The following HMGA2 variants were observed in gnomAD, a reference collection of about 807,000 sequenced individuals.
The protein encoded by HMGA2 is high mobility group protein HMGI-C.
HMGA2 carries 8 observed loss-of-function variants against 19.1 expected under a neutral mutation model. The ratio of observed to expected loss-of-function variants is 0.42; its 90% confidence interval spans 0.25 to 0.76. The LOEUF (loss-of-function observed/expected upper bound fraction) is 0.76. HMGA2 is among the 30% of genes least tolerant of loss of function. HMGA2 has a pLI of 0.28. For missense variants in HMGA2, 109 were observed against 136.3 expected (o/e 0.80, Z 1.00); for synonymous variants, 60 against 48.8 (o/e 1.23, Z -0.96).
intron 2 of HMGA2, among the ~76,000 whole-genome samples, chr12:65,830,058 A>G (rs1031774572): frequency 6.6e-6 from 1 of 151,982 alleles, no homozygotes; most frequent in African/African-American, 2.4e-5. Flanking sequence ...TTCAGACACA[A>G]TTATTTCCTA....
chr12:65,888,781 T>C (rs1289843065), intron 3 of HMGA2, among the ~76,000 whole-genome samples: 1 of 151,052 alleles, frequency 6.6e-6, no homozygotes, highest in African/African-American at 2.4e-5. Flanking sequence ...GCCAGGATGG[T>C]CTCGACCTCC....
chr12:65,909,686 T>G (rs1874758803), intron 3 of HMGA2, among the ~76,000 whole-genome samples: 1 of 152,206 alleles, frequency 6.6e-6, no homozygotes, highest in South Asian at 2.1e-4. Context: ...AAACCTGATG[T>G]CTTTGCCTCT....
intron 3 of HMGA2, among the ~76,000 whole-genome samples, chr12:65,874,988 G>C (rs1262935603): frequency 6.6e-6 from 1 of 152,028 alleles, no homozygotes; most frequent in Non-Finnish European, 1.5e-5. Flanking sequence ...AACCAGAAAG[G>C]TTCCCCGCCC....
At chr12:65,950,616 T>G (rs1354059768) in intron 3 of HMGA2, among the ~76,000 whole-genome samples, 1 of 152,208 alleles carries the variant, frequency 6.6e-6, no homozygotes, top group African/African-American at 2.4e-5. Flanking sequence ...TTAGAGGAGA[T>G]GAAAGTGTTC....
At chr12:65,829,983 C>G (rs1202497366) in intron 2 of HMGA2, among the ~76,000 whole-genome samples, 1 of 151,942 alleles carries the variant, frequency 6.6e-6, no homozygotes, top group Non-Finnish European at 1.5e-5. Flanking sequence ...TACATTATTC[C>G]AATTTCCAAA....
chr12:65,922,311 G>T (rs144758886), intron 3 of HMGA2, among the ~76,000 whole-genome samples: 2 of 152,296 alleles, frequency 1.3e-5, no homozygotes, highest in South Asian at 4.1e-4. Context: ...CCACAGGGGC[G>T]GAGCTGCCTA....
chr12:65,963,535 C>T lies in HMGA2; in HGVS notation c.*243C>T. 1 of 556,008 alleles carries T rather than the reference C, an allele frequency of 1.8e-6. No homozygotes were observed. Among genetic ancestry groups the T allele is most frequent in the South Asian group, 2.3e-5 (1 of 43,278 alleles). The allele number at this position is 556,008 out of a possible 1,614,324, so 34.4% of individuals were successfully genotyped here. ...AGGTTTAGTGAAAAACTGCTGTAAA[C>T]ACAGGGGACACAGCTTAACAATGCA... On this transcript the variant is annotated 3_prime_UTR_variant, in exon 5 of 5. Coordinates refer to ENST00000403681, the MANE Select transcript of HMGA2 (RefSeq NM_003483.6).
rs1870042970 is a variant in HMGA2, at chr12:65,824,735, C to CTCTCTG, written c.-531_-530insGTCTCT. 4.7e-6 allele frequency: 1 copy of CTCTCTG among 214,440 alleles called. No homozygotes were observed. The highest frequency in any genetic ancestry group is 2.8e-5 in the African/African-American group (1 of 35,828). The allele number at this position is 214,440 out of a possible 1,614,324, so 13.3% of individuals were successfully genotyped here. ...CTCTTCTCTCTCTCTCTCTCTCTCT[C>CTCTCTG]TCTCTCTCTCTCTCTCTCTCTCTCT... On this transcript the variant is annotated 5_prime_UTR_variant, in exon 1 of 5. Coordinates refer to ENST00000403681, the MANE Select transcript of HMGA2 (RefSeq NM_003483.6).
At chr12:65,959,515 G>A (rs1876691480) in intron 4 of HMGA2, among the ~76,000 whole-genome samples, 1 of 152,180 alleles carries the variant, frequency 6.6e-6, no homozygotes, top group Non-Finnish European at 1.5e-5. Context: ...ACTTGTCTTT[G>A]TAAAGTAGCT....
chr12:65,913,764 G>T (rs1565730580), intron 3 of HMGA2, among the ~76,000 whole-genome samples: 1 of 152,142 alleles, frequency 6.6e-6, no homozygotes, highest in Non-Finnish European at 1.5e-5. Context: ...GTCAGGTGGG[G>T]TTCATGGGAC....
intron 2 of HMGA2, among the ~76,000 whole-genome samples, chr12:65,834,954 C>T (rs1870649388): frequency 6.6e-6 from 1 of 152,120 alleles, no homozygotes; most frequent in Non-Finnish European, 1.5e-5. Flanking sequence ...GGAGAAATGA[C>T]ACTTTTAATG....
intron 3 of HMGA2, among the ~76,000 whole-genome samples, chr12:65,921,350 C>A (rs1448005587): frequency 6.6e-6 from 1 of 152,190 alleles, no homozygotes; most frequent in Non-Finnish European, 1.5e-5. Flanking sequence ...AGCTCCGCCT[C>A]CCGGGTTCAC....
intron 1 of HMGA2, among the ~76,000 whole-genome samples, chr12:65,827,640 G>T (rs1481184794): frequency 6.6e-6 from 1 of 152,164 alleles, no homozygotes; most frequent in Admixed American, 6.5e-5. Flanking sequence ...AGTGGTGTTC[G>T]TTTAAAATGC....
In HMGA2 at chr12:65,952,629, A is replaced by G. The variant is rs1450914091; in HGVS notation, c.282+1214A>G. 4 of 654,128 alleles carry G rather than the reference A, an allele frequency of 6.1e-6. No individual in the cohort carries two copies. The East Asian group carries it at 1.3e-4, about 21-fold the overall frequency. 40.5% of individuals were successfully genotyped at this position (654,128 alleles called of 1,614,324 possible). ...GTTTGTGCGTCTTTAAGCAATATTT[A>G]AAAATATATACATATAAACAAAAAC... On this transcript the variant is annotated intron_variant, in intron 4 of 4. Coordinates refer to ENST00000403681, the MANE Select transcript of HMGA2 (RefSeq NM_003483.6).
intron 3 of HMGA2, among the ~76,000 whole-genome samples, chr12:65,893,294 A>G (rs1873992014): frequency 6.6e-6 from 1 of 152,196 alleles, no homozygotes; most frequent in Admixed American, 6.5e-5. Context: ...GCTAAAACCT[A>G]AGGCATTTAG....
At chr12:65,927,199 G>C (rs1216901198) in intron 3 of HMGA2, among the ~76,000 whole-genome samples, 1 of 152,110 alleles carries the variant, frequency 6.6e-6, no homozygotes, top group Non-Finnish European at 1.5e-5. Context: ...TAGTGGGATG[G>C]CCATGGGTGC....
At chr12:65,841,991 CTT>C (rs76443274) in intron 3 of HMGA2, 12,533 of 786,026 alleles carry the variant, frequency 0.016, no homozygotes, top group South Asian at 0.022. Context: ...TTCCCTTCAT[CTT>C]TTTTTTTTTT....
chr12:65,943,493 A>T (rs920541134), intron 3 of HMGA2, among the ~76,000 whole-genome samples: 2 of 152,224 alleles, frequency 1.3e-5, no homozygotes, highest in Admixed American at 1.3e-4. Flanking sequence ...ATCCTTGAGC[A>T]GATGAAACAA....
At chr12:65,927,887 ATATGTATG>A (rs1348692144) in intron 3 of HMGA2, among the ~76,000 whole-genome samples, 1 of 148,600 alleles carries the variant, frequency 6.7e-6, no homozygotes, top group Non-Finnish European at 1.5e-5. Flanking sequence ...TATATATAAA[ATATGTATG>A]TATATATGTA....
Sources: allele counts gnomAD v4.1 joint callset (sites outside exome capture counted in the v4.1 genomes callset), GRCh38; gene constraint gnomAD v4.1.1; transcripts MANE v1.5; gene names NCBI Gene and HGNC (gene_info 2026-07-23, HGNC 2026-07-21).